The following PCLO variants were observed in gnomAD, a reference collection of about 807,000 sequenced individuals.
PCLO encodes the protein protein piccolo.
Under a neutral mutation model 427.5 loss-of-function variants are expected in PCLO, and 82 were observed. That is an observed-to-expected ratio of 0.19 (90% CI 0.16 to 0.23). The LOEUF (loss-of-function observed/expected upper bound fraction) is 0.23. PCLO is among the 10% of genes least tolerant of loss of function. The probability of loss-of-function intolerance (pLI) is 1.00; values close to 1 mark genes in which losing one functional copy is unlikely to be tolerated. For missense variants in PCLO, 6,239 were observed against 6,115.9 expected (o/e 1.02, Z -0.67); for synonymous variants, 2,357 against 2,155.4 (o/e 1.09, Z -2.59).
intron 6 of PCLO, among the ~76,000 whole-genome samples, chr7:82,937,336 G>GTT (rs199635218): frequency 1.6e-4 from 22 of 137,452 alleles, no homozygotes; most frequent in African/African-American, 3.1e-4. Flanking sequence ...CCACACTACA[G>GTT]TTTTTTTTTT....
chr7:82,843,114 C>A (rs1792408547), intron 13 of PCLO, among the ~76,000 whole-genome samples: 2 of 152,120 alleles, frequency 1.3e-5, no homozygotes, highest in South Asian at 4.1e-4. Context: ...AGGTTCATTG[C>A]AGCATTATTC....
intron 22 of PCLO, among the ~76,000 whole-genome samples, chr7:82,800,072 G>T (rs1791311183): frequency 6.6e-6 from 1 of 152,060 alleles, no homozygotes; most frequent in African/African-American, 2.4e-5. Context: ...ACAGAGATAC[G>T]GTAGGTAAAA....
intron 4 of PCLO, among the ~76,000 whole-genome samples, chr7:82,959,951 T>A (rs994992077): frequency 6.6e-6 from 1 of 152,140 alleles, no homozygotes; most frequent in Non-Finnish European, 1.5e-5. Flanking sequence ...CCCATTTGGA[T>A]CTCTTCCCAT....
intron 3 of PCLO, among the ~76,000 whole-genome samples, chr7:83,025,421 A>G (rs2116091204): frequency 6.6e-6 from 1 of 150,676 alleles, no homozygotes. Flanking sequence ...ATAAAAAGAA[A>G]TGAGCAAAGC....
chr7:83,060,878 C>T (rs1789526828), intron 3 of PCLO, among the ~76,000 whole-genome samples: 1 of 152,186 alleles, frequency 6.6e-6, no homozygotes, highest in South Asian at 2.1e-4. Flanking sequence ...TGACAGTTTG[C>T]TTTCCATCAC....
Position 82,965,320 on chromosome 7 carries a change from T to TTTC in PCLO, c.4017+450_4017+451insGAA, listed in dbSNP as rs1562888171. ...TTTTTTCTTTTTTCTTTCTTTCTTT[T>TTTC]TTTTTTTTTTTGCAATCACTTTATG... is the stretch of plus-strand genomic sequence containing the variant. On this transcript the variant is annotated intron_variant, in intron 4 of 24. Transcript: ENST00000333891. 5.5e-5 allele frequency among the ~76,000 whole-genome samples: 8 copies of TTTC among 146,382 alleles called. No individual in the cohort carries two copies. In the East Asian group the frequency reaches 1.6e-3, roughly 30 times the overall value.
At chr7:82,839,350 A>G (rs1043762992) in intron 14 of PCLO, among the ~76,000 whole-genome samples, 1 of 152,106 alleles carries the variant, frequency 6.6e-6, no homozygotes, top group Non-Finnish European at 1.5e-5. Context: ...TATAATTTTG[A>G]TCTTATTATG....
chr7:82,794,971 T>C (rs78037489), intron 22 of PCLO, among the ~76,000 whole-genome samples: 11,555 of 152,170 alleles, frequency 0.076, 635 homozygotes, highest in East Asian at 0.15. Flanking sequence ...GACAAAAATG[T>C]TTATTATTTC....
At chr7:82,944,958 T>C (rs1457386942) in intron 6 of PCLO, among the ~76,000 whole-genome samples, 1 of 152,188 alleles carries the variant, frequency 6.6e-6, no homozygotes, top group East Asian at 1.9e-4. Flanking sequence ...TACTGATAAA[T>C]TAATAAAAAT....
chr7:82,883,795 G>C (rs1025349124), intron 9 of PCLO, among the ~76,000 whole-genome samples: 3 of 152,018 alleles, frequency 2.0e-5, no homozygotes, highest in Non-Finnish European at 2.9e-5. Context: ...TTTTGAGATG[G>C]ACTCTCGCTC....
intron 3 of PCLO, among the ~76,000 whole-genome samples, chr7:82,978,168 AC>A (rs919981987): frequency 4.8e-5 from 7 of 144,624 alleles, no homozygotes; most frequent in African/African-American, 1.0e-4. Context: ...AGAGACCCCC[AC>A]CCCCCCGGCA....
chr7:83,104,643 T>C (rs1222534457), intron 3 of PCLO, among the ~76,000 whole-genome samples: 2 of 152,084 alleles, frequency 1.3e-5, no homozygotes, highest in Admixed American at 6.6e-5. Context: ...TCTTAAAATA[T>C]ATCTATATTT....
chr7:83,022,248 G>A (rs1440472347), intron 3 of PCLO, among the ~76,000 whole-genome samples: 1 of 152,154 alleles, frequency 6.6e-6, no homozygotes, highest in Non-Finnish European at 1.5e-5. Context: ...CTGGTGTCTT[G>A]ATCTTAGACT....
intron 9 of PCLO, among the ~76,000 whole-genome samples, chr7:82,888,154 T>A (rs1793673185): frequency 6.6e-6 from 1 of 152,068 alleles, no homozygotes; most frequent in Non-Finnish European, 1.5e-5. Flanking sequence ...CCATCTTATA[T>A]GAGAAAGGAG....
chr7:82,888,659 T>C (rs1426743704), intron 9 of PCLO, among the ~76,000 whole-genome samples: 1 of 152,202 alleles, frequency 6.6e-6, no homozygotes, highest in South Asian at 2.1e-4. Context: ...GATTTCAAGA[T>C]GCCAATCTTC....
At chr7:82,876,477 C>CACACAA (rs1447315935) in intron 10 of PCLO, among the ~76,000 whole-genome samples, 1 of 150,250 alleles carries the variant, frequency 6.7e-6, no homozygotes. Context: ...CACACACACA[C>CACACAA]ACACACACAC....
chr7:83,042,769 G>A (rs1789003592), intron 3 of PCLO, among the ~76,000 whole-genome samples: 4 of 152,178 alleles, frequency 2.6e-5, no homozygotes, highest in South Asian at 4.1e-4. Context: ...GGCTGAGGCA[G>A]GAGAATTGCT....
chr7:82,862,935 T>C (rs1158156056), intron 10 of PCLO, among the ~76,000 whole-genome samples: 1 of 151,990 alleles, frequency 6.6e-6, no homozygotes, highest in Non-Finnish European at 1.5e-5. Flanking sequence ...TGCTATTCGA[T>C]GGCACAATAG....
Position 82,955,484 on chromosome 7 carries a change from T to C in PCLO, c.5469A>G (p.Pro1823=), listed in dbSNP as rs1795489195. 1 of 1,613,656 alleles carries C rather than the reference T, an allele frequency of 6.2e-7. No homozygotes were observed. The highest frequency in any genetic ancestry group is 1.1e-5 in the South Asian group (1 of 91,048). The change falls in exon 5 of 25, where the codon CCA becomes CCG. Residue 1823 remains proline (P), a synonymous_variant. Transcript: ENST00000333891. ...GAGAGAGATTACTAGGTGGTGTCTTTGGCCTTTCCCTTCTTCTCTGAGCTC... is the reference window on the plus strand; with the variant it reads ...GAGAGAGATTACTAGGTGGTGTCTTCGGCCTTTCCCTTCTTCTCTGAGCTC... ...ELRAQRRRER[P]KTPPSNLSPI... is the part of the protein sequence containing the mutation.
Sources: allele counts gnomAD v4.1 joint callset (sites outside exome capture counted in the v4.1 genomes callset), GRCh38; gene constraint gnomAD v4.1.1; transcripts MANE v1.5; gene names NCBI Gene and HGNC (gene_info 2026-07-23, HGNC 2026-07-21).